NFILZ: variants seen among roughly 807,000 people sequenced by gnomAD.
NFILZ encodes the protein NFIL3 like basic leucine zipper.
intron 3 of NFILZ, among the ~76,000 whole-genome samples, chr19:8,656,447 A>AAGCCCACCTTCTCCCGC (rs2043001199): frequency 2.0e-5 from 1 of 49,178 alleles, no homozygotes; most frequent in African/African-American, 7.5e-5. Context: ...CTTCTCCTCG[A>AAGCCCACCTTCTCCCGC]AGCCCACCTT....
intron 3 of NFILZ, among the ~76,000 whole-genome samples, chr19:8,642,112 G>A (rs2042921566): frequency 6.6e-6 from 1 of 152,132 alleles, no homozygotes; most frequent in South Asian, 2.1e-4. Flanking sequence ...AAAGTGCTGG[G>A]ATTACAAGTG....
chr19:8,669,006 G>A (rs1555750055), intron 3 of NFILZ, among the ~76,000 whole-genome samples: 1 of 152,130 alleles, frequency 6.6e-6, no homozygotes, highest in Non-Finnish European at 1.5e-5. Flanking sequence ...GTGCAGTGGT[G>A]CAATCTCGGC....
At chr19:8,659,796 T>C (rs2043021416) in intron 3 of NFILZ, among the ~76,000 whole-genome samples, 1 of 152,044 alleles carries the variant, frequency 6.6e-6, no homozygotes, top group African/African-American at 2.4e-5. Context: ...CTCTGGCCTG[T>C]TTCCAGGAGC....
chr19:8,645,650 A>G (rs1282415560), intron 3 of NFILZ, among the ~76,000 whole-genome samples: 1 of 152,174 alleles, frequency 6.6e-6, no homozygotes, highest in African/African-American at 2.4e-5. Context: ...CAATTGAAAG[A>G]GACCCTCGAG....
chr19:8,653,011 C>CCTTCCTTTCCTTCTTTCTTTCTTTCTTT (rs2042974052), intron 3 of NFILZ, among the ~76,000 whole-genome samples: 1 of 52,878 alleles, frequency 1.9e-5, no homozygotes, highest in African/African-American at 8.1e-5. Flanking sequence ...TTCCTTCCTT[C>CCTTCCTTTCCTTCTTTCTTTCTTTCTTT]CTTTCTTTCT....
At chr19:8,663,707 G>GTGTGTGTGTTT (rs1568423285) in intron 3 of NFILZ, among the ~76,000 whole-genome samples, 4 of 50,118 alleles carry the variant, frequency 8.0e-5, no homozygotes, top group Admixed American at 5.6e-4. Context: ...AACAAGGTGT[G>GTGTGTGTGTTT]GTGTGTGTGT....
At chr19:8,642,025 A>G (rs1378854930) in intron 3 of NFILZ, among the ~76,000 whole-genome samples, 5 of 152,040 alleles carry the variant, frequency 3.3e-5, no homozygotes, top group Admixed American at 2.6e-4. Context: ...TGTTTTTTGT[A>G]GAGACAGGGT....
intron 3 of NFILZ, among the ~76,000 whole-genome samples, chr19:8,650,185 T>C (rs1281075629): frequency 2.0e-5 from 3 of 152,022 alleles, no homozygotes; most frequent in African/African-American, 7.2e-5. Flanking sequence ...GGTTGTTTGT[T>C]TTGATAACTT....
intron 3 of NFILZ, among the ~76,000 whole-genome samples, chr19:8,639,651 T>G (rs571835012): frequency 3.3e-5 from 5 of 150,876 alleles, no homozygotes; most frequent in Non-Finnish European, 7.4e-5. Context: ...TACCCTGGGA[T>G]GTGTTGAGGG....
At chr19:8,633,277 C>T (rs2042878991) in intron 2 of NFILZ, among the ~76,000 whole-genome samples, 1 of 152,166 alleles carries the variant, frequency 6.6e-6, no homozygotes, top group Non-Finnish European at 1.5e-5. Context: ...CCACCTCGGC[C>T]TCCCAAAGTG....
chr19:8,646,565 C>A (rs1475523345), intron 3 of NFILZ, among the ~76,000 whole-genome samples: 2 of 152,126 alleles, frequency 1.3e-5, no homozygotes, highest in African/African-American at 4.8e-5. Context: ...GAAGTAAGAG[C>A]CACTCTTCCT....
chr19:8,669,417 C>A, intron 3 of NFILZ, among the ~76,000 whole-genome samples: 1 of 152,146 alleles, frequency 6.6e-6, no homozygotes, highest in East Asian at 1.9e-4. Flanking sequence ...TAGAGGTGAC[C>A]TGACTTGCCC....
At chr19:8,636,302 A>G (rs892059841) in intron 3 of NFILZ, among the ~76,000 whole-genome samples, 2 of 151,020 alleles carry the variant, frequency 1.3e-5, no homozygotes, top group African/African-American at 2.4e-5. Context: ...ACAAAAATTA[A>G]CTGGGCATGG....
chr19:8,637,306 C>T (rs782466454), intron 3 of NFILZ, among the ~76,000 whole-genome samples: 1 of 151,960 alleles, frequency 6.6e-6, no homozygotes, highest in Non-Finnish European at 1.5e-5. Flanking sequence ...GATCACACCA[C>T]TGCACTCCAG....
At position 8,677,828 on chromosome 19, in the gene NFILZ, C is replaced by A. The variant is rs936721580; in HGVS notation, c.*193C>A. Among the ~76,000 whole-genome samples the A allele has an allele frequency of 3.3e-5, 5 of 152,002 alleles. No individual in the cohort carries two copies. The highest frequency in any genetic ancestry group is 7.4e-5 in the Non-Finnish European group (5 of 67,966). ...CCTAGGGGTGGAGTGGATGGGAGCC[C>A]ATCTTGGATTCTACCATGGCTCTTG... is the stretch of plus-strand genomic sequence containing the variant. On this transcript the variant is annotated 3_prime_UTR_variant, in exon 6 of 6. Transcript: ENST00000691075.
chr19:8,653,765 A>G (rs1555748035), intron 3 of NFILZ, among the ~76,000 whole-genome samples: 1 of 152,220 alleles, frequency 6.6e-6, no homozygotes, highest in African/African-American at 2.4e-5. Context: ...GTGGGAGCTA[A>G]GCTATGAGGA....
intron 3 of NFILZ, among the ~76,000 whole-genome samples, chr19:8,672,129 T>C (rs1050287982): frequency 6.6e-6 from 1 of 152,132 alleles, no homozygotes; most frequent in Admixed American, 6.5e-5. Flanking sequence ...CAAAAAGATA[T>C]TCATGCATTT....
intron 3 of NFILZ, among the ~76,000 whole-genome samples, chr19:8,663,754 G>GTGTGTGTGTATGTGTGTGTA (rs1568423400): frequency 2.6e-5 from 3 of 117,564 alleles, no homozygotes; most frequent in South Asian, 2.4e-4. Flanking sequence ...GTGTGTGTGT[G>GTGTGTGTGTATGTGTGTGTA]TGTGTGTGTG....
intron 3 of NFILZ, among the ~76,000 whole-genome samples, chr19:8,670,289 A>G (rs1008561477): frequency 6.6e-5 from 10 of 151,984 alleles, no homozygotes; most frequent in Non-Finnish European, 1.3e-4. Context: ...TTTTGTAGAG[A>G]CATGGTTTCA....
Sources: allele counts gnomAD v4.1 joint callset (sites outside exome capture counted in the v4.1 genomes callset), GRCh38; gene constraint gnomAD v4.1.1; transcripts MANE v1.5; gene names NCBI Gene and HGNC (gene_info 2026-07-23, HGNC 2026-07-21).